The following ATIC variants were observed in gnomAD, a reference collection of about 807,000 sequenced individuals.
ATIC encodes 5-aminoimidazole-4-carboxamide ribonucleotide formyltransferase/IMP cyclohydrolase.
ATIC carries 64 observed loss-of-function variants against 72.5 expected under a neutral mutation model. The observed-to-expected ratio is 0.88, with a 90% CI of 0.72 to 1.09. ATIC has a LOEUF of 1.09. Among genes scored for constraint, ATIC ranks in the 50% least tolerant of loss-of-function variants. The probability of loss-of-function intolerance (pLI) is 0.00; values close to 1 mark genes in which losing one functional copy is unlikely to be tolerated. For synonymous variants in ATIC, 281 were observed against 267.1 expected (o/e 1.05, Z -0.51); for missense variants, 787 against 732.4 (o/e 1.07, Z -0.86).
At chr2:215,362,123 C>T in the ATIC span, 1 of 1,411,988 alleles carries the variant, frequency 7.1e-7, no homozygotes, top group East Asian at 2.3e-5. Flanking sequence ...TTATGATAAC[C>T]TGAGGACATC....
intron 8 of ATIC, 34 bp from the exon 9 acceptor site, chr2:215,333,316 T>C (rs375460932): frequency 5.0e-6 from 8 of 1,588,470 alleles, no homozygotes; most frequent in Non-Finnish European, 6.9e-6. Flanking sequence ...AACTTTAGCT[T>C]TCTTTGTTTA....
the ATIC span, chr2:215,361,584 G>A: frequency 6.2e-7 from 1 of 1,611,986 alleles, no homozygotes; most frequent in Non-Finnish European, 8.5e-7. Flanking sequence ...CTGTCAGCCT[G>A]TACATCTAAA....
Position 215,318,193 on chromosome 2 carries a change from G to T in ATIC, c.183G>T (p.Leu61Phe). The change falls in exon 3 of 16, where the codon TTG (leucine) becomes TTT (phenylalanine). Residue 61 changes from leucine to phenylalanine, a missense_variant. Coordinates refer to ENST00000236959, the MANE Select transcript of ATIC (RefSeq NM_004044.7). ...AGTTGACGGGATTTCCTGAAATGTT[G>T]GGGGGACGTGTGAAAACTTTGCATC... ...VSELTGFPEM[L>F]GGRVKTLHPA... is the part of the protein sequence containing the mutation. 1 of 1,613,950 alleles carries T rather than the reference G, an allele frequency of 6.2e-7. No homozygotes were observed. Among genetic ancestry groups the T allele is most frequent in the Non-Finnish European group, 8.5e-7 (1 of 1,179,912 alleles).
rs768804949 is a variant in ATIC at position 215,349,668 on chromosome 2, CTG to C, written c.*15_*16del. The C allele has an allele frequency of 1.2e-5, 20 of 1,614,054 alleles. No homozygotes were observed. Among genetic ancestry groups the C allele is most frequent in the Non-Finnish European group, 1.6e-5 (19 of 1,180,040 alleles). On this transcript the variant is annotated 3_prime_UTR_variant, in exon 16 of 16. Transcript: ENST00000236959. ...CTTCCACCACTGATTTTACCACACA[CTG>C]TTTTTTGGCTTGCTTATGTGTAGGT...
chr2:215,327,607 G>A (rs1486364155), intron 7 of ATIC, among the ~76,000 whole-genome samples: 2 of 152,208 alleles, frequency 1.3e-5, no homozygotes, highest in African/African-American at 4.8e-5. Context: ...AGCCTGTCCT[G>A]CTCTGGTACA....
the ATIC span, among the ~76,000 whole-genome samples, chr2:215,359,594 G>C: frequency 6.6e-6 from 1 of 152,312 alleles, no homozygotes; most frequent in Non-Finnish European, 1.5e-5. Context: ...TAGAAGTCCA[G>C]GGGCTGGGTC....
chr2:215,339,727 C>T lies in ATIC; in HGVS notation c.1227+820C>T, dbSNP rs189850667. Among the ~76,000 whole-genome samples, 27 of 144,174 alleles carry T rather than the reference C, an allele frequency of 1.9e-4. No homozygotes were observed. The East Asian group carries it at 5.1e-3, about 27-fold the overall frequency. 94.6% of individuals were successfully genotyped at this position (144,174 alleles called of 152,430 possible). On this transcript the variant is annotated intron_variant, in intron 12 of 15. Transcript: ENST00000236959. ...TCGGGTCACTGCAAGCTCCGCCTCCCGGGTTCACGCCATTCTCCTGCTTCA... is the reference window on the plus strand; with the variant it reads ...TCGGGTCACTGCAAGCTCCGCCTCCTGGGTTCACGCCATTCTCCTGCTTCA...
rs2053077574 is a variant in ATIC, at chr2:215,346,918, T to C, written c.1480T>C (p.Tyr494His). The change falls in exon 14 of 16, where the codon TAT becomes CAT. Residue 494 changes from tyrosine (Y) to histidine (H), a missense_variant. Tyr to His is a moderately conservative substitution (Grantham distance 83, BLOSUM62 2). Transcript: ENST00000236959. ...RAEISNAIDQ[Y>H]VTGTIGEDED... is the part of the protein sequence containing the mutation. ...AGAAATCTCCAATGCCATCGATCAA[T>C]ATGTGACTGGAACCATTGGCGAGGT... 3 of 1,614,212 alleles carry C rather than the reference T, an allele frequency of 1.9e-6. No homozygotes were observed. The East Asian group carries it at 6.7e-5, about 36-fold the overall frequency.
intron 10 of ATIC, among the ~76,000 whole-genome samples, chr2:215,335,746 A>G (rs2052947031): frequency 6.6e-6 from 1 of 152,246 alleles, no homozygotes; most frequent in Non-Finnish European, 1.5e-5. Context: ...ACACTCCCTG[A>G]AGAAATATTT....
intron 2 of ATIC, among the ~76,000 whole-genome samples, chr2:215,314,065 C>G (rs755864882): frequency 1.3e-5 from 2 of 152,126 alleles, no homozygotes; most frequent in African/African-American, 4.8e-5. Flanking sequence ...ATAATGATCC[C>G]TTGGGTCCTA....
At chr2:215,323,318 T>G (rs1254333640) in intron 4 of ATIC, among the ~76,000 whole-genome samples, 1 of 152,178 alleles carries the variant, frequency 6.6e-6, no homozygotes, top group Non-Finnish European at 1.5e-5. Context: ...ATTTTTAGAA[T>G]CAGCTTGTCC....
intron 13 of ATIC, 121 bp from the exon 14 acceptor site, chr2:215,346,638 T>C (rs2053073228): frequency 9.1e-7 from 1 of 1,098,916 alleles, no homozygotes; most frequent in South Asian, 1.3e-5. Flanking sequence ...TTCTCTTATT[T>C]TGGCCTGATA....
At chr2:215,321,222 G>A (rs950239484) in intron 4 of ATIC, among the ~76,000 whole-genome samples, 7 of 152,122 alleles carry the variant, frequency 4.6e-5, no homozygotes, top group Non-Finnish European at 7.4e-5. Context: ...CATATAAATA[G>A]AATCTAACAA....
chr2:215,361,569 C>G, the ATIC span: 1 of 1,608,666 alleles, frequency 6.2e-7, no homozygotes, highest in Non-Finnish European at 8.5e-7. Context: ...TCTCGGGAAT[C>G]TTCTCTGTCA....
At chr2:215,355,138 T>C in the ATIC span, among the ~76,000 whole-genome samples, 1 of 152,126 alleles carries the variant, frequency 6.6e-6, no homozygotes, top group Non-Finnish European at 1.5e-5. Context: ...CCTGGGTTCC[T>C]CATATTTTGC....
chr2:215,330,604 T>G (rs2052881327), intron 7 of ATIC, among the ~76,000 whole-genome samples: 1 of 152,172 alleles, frequency 6.6e-6, no homozygotes, highest in African/African-American at 2.4e-5. Flanking sequence ...CATTACAGTA[T>G]CATGCAGAAT....
At chr2:215,352,764 C>G (rs1024242225), downstream of ATIC, among the ~76,000 whole-genome samples, 1 of 38,134 alleles carries the variant, frequency 2.6e-5, no homozygotes, top group Admixed American at 3.8e-4. Context: ...CAACCCAAGC[C>G]TGGTACATCA....
At chr2:215,325,420 T>C in intron 5 of ATIC, 91 bp downstream of exon 5, 2 of 966,640 alleles carry the variant, frequency 2.1e-6, no homozygotes, top group South Asian at 2.8e-5. Context: ...ACTGAGGAAA[T>C]AGAAAGAAAA....
chr2:215,364,703 AAG>A, the ATIC span: 1 of 638,556 alleles, frequency 1.6e-6, no homozygotes, highest in Non-Finnish European at 2.8e-6. Flanking sequence ...AATGGCATGT[AAG>A]GTAGACATAG....
Sources: gnomAD v4.1 joint callset for allele counts (sites outside exome capture counted in the v4.1 genomes callset) on GRCh38, gnomAD v4.1.1 for gene constraint, MANE v1.5 for transcripts, NCBI Gene and HGNC (gene_info 2026-07-23, HGNC 2026-07-21) for gene names.